GPR39: variants seen among roughly 807,000 people sequenced by gnomAD.
GPR39 encodes the protein G protein-coupled receptor 39, also known as zinc sensing receptor.
Under a neutral mutation model 18.4 loss-of-function variants are expected in GPR39, and 23 were observed. That is an observed-to-expected ratio of 1.25 (90% confidence interval 0.90 to 1.77). GPR39 has a LOEUF of 1.77. Ranked by LOEUF, GPR39 falls within the 40% of genes most tolerant of loss-of-function variation. The pLI is 0.00. For synonymous variants in GPR39, 280 were observed against 257.9 expected, an observed-to-expected ratio of 1.09 and a Z score of -0.82; for missense variants, 647 against 602.4, an observed-to-expected ratio of 1.07 and a Z score of -0.78.
intron 1 of GPR39, among the ~76,000 whole-genome samples, chr2:132,470,972 C>T (rs564505197): frequency 7.2e-5 from 11 of 152,182 alleles, no homozygotes; most frequent in Non-Finnish European, 1.3e-4. Context: ...ATCCTTTGGG[C>T]ATAACCTTTG....
chr2:132,440,420 T>C (rs1465556775), intron 1 of GPR39, among the ~76,000 whole-genome samples: 1 of 152,172 alleles, frequency 6.6e-6, no homozygotes, highest in Non-Finnish European at 1.5e-5. Context: ...CCCAGTTCCC[T>C]TTTTGCTCCT....
At chr2:132,530,878 T>A (rs1042160923) in intron 1 of GPR39, among the ~76,000 whole-genome samples, 3 of 152,014 alleles carry the variant, frequency 2.0e-5, no homozygotes, top group Non-Finnish European at 2.9e-5. Flanking sequence ...AGGAACAACT[T>A]GTACCAGCCA....
At chr2:132,541,663 C>T (rs1336231503) in intron 1 of GPR39, among the ~76,000 whole-genome samples, 9 of 151,986 alleles carry the variant, frequency 5.9e-5, no homozygotes, top group Admixed American at 2.0e-4. Flanking sequence ...TGGTGGGGTG[C>T]GGGCAGAAGG....
chr2:132,639,755 A>C (rs772564617), intron 1 of GPR39, among the ~76,000 whole-genome samples: 11 of 152,130 alleles, frequency 7.2e-5, no homozygotes, highest in African/African-American at 2.2e-4. Flanking sequence ...TTTGAGCAGG[A>C]AACGTTCTCC....
intron 1 of GPR39, among the ~76,000 whole-genome samples, chr2:132,474,116 A>G (rs1031978210): frequency 3.8e-5 from 3 of 79,488 alleles, no homozygotes; most frequent in Non-Finnish European, 6.9e-5. Flanking sequence ...GTCCTTTGGT[A>G]TTAGTGTCAG....
intron 1 of GPR39, among the ~76,000 whole-genome samples, chr2:132,519,762 A>G (rs1468978926): frequency 6.6e-6 from 1 of 152,194 alleles, no homozygotes; most frequent in Non-Finnish European, 1.5e-5. Context: ...TGACACTCTG[A>G]TAAGCTTCAG....
At chr2:132,596,125 C>T (rs141500577) in intron 1 of GPR39, among the ~76,000 whole-genome samples, 31 of 152,230 alleles carry the variant, frequency 2.0e-4, no homozygotes, top group South Asian at 4.2e-4. Flanking sequence ...CGATTGCATG[C>T]GGAAGGAAAG....
chr2:132,513,837 C>T (rs1292544404), intron 1 of GPR39, among the ~76,000 whole-genome samples: 2 of 152,176 alleles, frequency 1.3e-5, no homozygotes, highest in Admixed American at 6.5e-5. Context: ...CCTCAGCCTC[C>T]TGAGTAGCTG....
intron 1 of GPR39, among the ~76,000 whole-genome samples, chr2:132,540,048 C>T (rs146443182): frequency 1.3e-5 from 2 of 152,162 alleles, no homozygotes; most frequent in African/African-American, 4.8e-5. Flanking sequence ...CAAGAAAATC[C>T]GTGTCTACCC....
intron 1 of GPR39, 119 bp from the exon 2 acceptor site, chr2:132,644,982 T>G: frequency 8.4e-7 from 1 of 1,186,318 alleles, no homozygotes; most frequent in Non-Finnish European, 1.2e-6. Context: ...TTGGTACCAT[T>G]TCCTGGCCAG....
intron 1 of GPR39, among the ~76,000 whole-genome samples, chr2:132,587,479 A>G (rs1239373279): frequency 1.3e-5 from 2 of 152,152 alleles, no homozygotes; most frequent in Non-Finnish European, 2.9e-5. Flanking sequence ...ACTATAGTGA[A>G]ATACTTTTTA....
chr2:132,440,645 C>T (rs1680418845), intron 1 of GPR39, among the ~76,000 whole-genome samples: 1 of 152,118 alleles, frequency 6.6e-6, no homozygotes, highest in African/African-American at 2.4e-5. Flanking sequence ...AGTTTAACAA[C>T]CACTGACATC....
At chr2:132,428,032 C>A (rs552007603) in intron 1 of GPR39, among the ~76,000 whole-genome samples, 132 of 150,318 alleles carry the variant, frequency 8.8e-4, no homozygotes, top group Non-Finnish European at 1.7e-3. Context: ...TTCAAGTTTA[C>A]CCTTGATAGG....
intron 1 of GPR39, among the ~76,000 whole-genome samples, chr2:132,534,980 A>T (rs1048490604): frequency 7.3e-6 from 1 of 137,714 alleles, no homozygotes; most frequent in African/African-American, 2.8e-5. Flanking sequence ...CCTAAAACCT[A>T]AAGTATAATA....
chr2:132,496,312 A>T (rs966899182), intron 1 of GPR39, among the ~76,000 whole-genome samples: 5 of 152,212 alleles, frequency 3.3e-5, no homozygotes, highest in Non-Finnish European at 7.3e-5. Flanking sequence ...GTACAGTATC[A>T]TAAATTTCCT....
intron 1 of GPR39, among the ~76,000 whole-genome samples, chr2:132,509,792 G>A (rs2104757398): frequency 6.6e-6 from 1 of 152,232 alleles, no homozygotes; most frequent in African/African-American, 2.4e-5. Flanking sequence ...CTCTCTCACT[G>A]GATCCTCTCT....
intron 1 of GPR39, among the ~76,000 whole-genome samples, chr2:132,476,653 A>C (rs1362563146): frequency 1.3e-5 from 2 of 151,086 alleles, no homozygotes; most frequent in Non-Finnish European, 2.9e-5. Flanking sequence ...AAAAAAAAAA[A>C]AAAAAAAAAG....
chr2:132,546,407 A>G (rs368311751), intron 1 of GPR39, among the ~76,000 whole-genome samples: 1 of 152,208 alleles, frequency 6.6e-6, no homozygotes. Context: ...TAGGCAGAGG[A>G]ACTCTGAGAA....
chr2:132,450,503 T>G, intron 1 of GPR39, among the ~76,000 whole-genome samples: 1 of 152,244 alleles, frequency 6.6e-6, no homozygotes, highest in East Asian at 1.9e-4. Context: ...ACACCTGGGA[T>G]TCGTAAAAGT....
Sources: gnomAD v4.1 joint callset for allele counts (sites outside exome capture counted in the v4.1 genomes callset) on GRCh38, gnomAD v4.1.1 for gene constraint, MANE v1.5 for transcripts, NCBI Gene and HGNC (gene_info 2026-07-23, HGNC 2026-07-21) for gene names.